The following PPP3CA variants were observed in gnomAD, a reference collection of about 807,000 sequenced individuals.
PPP3CA encodes the protein CAM-PRP catalytic subunit.
A neutral mutation model predicts 66.5 loss-of-function variants in PPP3CA; 14 were observed. The ratio of observed to expected loss-of-function variants is 0.21; its 90% CI spans 0.14 to 0.33. The LOEUF (loss-of-function observed/expected upper bound fraction) is 0.33, where lower values mean the gene tolerates loss of function less well. Among genes scored for constraint, PPP3CA ranks in the 10% least tolerant of loss-of-function variants. The pLI, the probability that PPP3CA is intolerant of heterozygous loss-of-function variation, is 1.00. For missense variants in PPP3CA, 317 were observed against 639.5 expected, an observed-to-expected ratio of 0.50 and a Z score of 5.44; for synonymous variants, 232 against 226.2, an observed-to-expected ratio of 1.03 and a Z score of -0.23.
chr4:101,256,890 TTTTG>T (rs1203873353), intron 1 of PPP3CA, among the ~76,000 whole-genome samples: 2 of 152,032 alleles, frequency 1.3e-5, no homozygotes, highest in African/African-American at 4.8e-5. Context: ...AAGTATATTA[TTTTG>T]TTTAACACTC....
intron 1 of PPP3CA, among the ~76,000 whole-genome samples, chr4:101,267,691 C>G (rs1344889605): frequency 6.6e-6 from 1 of 152,030 alleles, no homozygotes; most frequent in Non-Finnish European, 1.5e-5. Flanking sequence ...CATACGCTAT[C>G]TCTGGAAAAT....
At chr4:101,298,472 C>T (rs979951794) in intron 1 of PPP3CA, among the ~76,000 whole-genome samples, 3 of 151,908 alleles carry the variant, frequency 2.0e-5, no homozygotes, top group African/African-American at 7.3e-5. Context: ...ACCTCCTCTA[C>T]CTACTCCTTC....
intron 2 of PPP3CA, among the ~76,000 whole-genome samples, chr4:101,127,747 A>C (rs1262535596): frequency 2.6e-5 from 4 of 152,246 alleles, no homozygotes; most frequent in Non-Finnish European, 5.9e-5. Context: ...ATACATATGC[A>C]CAACAACAAT....
intron 1 of PPP3CA, among the ~76,000 whole-genome samples, chr4:101,334,724 G>A (rs140730650): frequency 1.0e-3 from 155 of 152,266 alleles, no homozygotes; most frequent in African/African-American, 3.7e-3. Context: ...CACCCCAAAT[G>A]TGCCTACCTA....
intron 2 of PPP3CA, among the ~76,000 whole-genome samples, chr4:101,139,676 C>A (rs180769775): frequency 3.1e-4 from 39 of 126,634 alleles, no homozygotes; most frequent in Non-Finnish European, 5.9e-4. Flanking sequence ...CCCAAAGTGA[C>A]TTTTGAGGGT....
At chr4:101,087,105 G>C (rs955240451) in intron 6 of PPP3CA, among the ~76,000 whole-genome samples, 7 of 152,138 alleles carry the variant, frequency 4.6e-5, no homozygotes, top group Non-Finnish European at 7.3e-5. Context: ...CTGCTTCTTG[G>C]GGCCTGGGAA....
At chr4:101,100,928 A>G (rs777612983) in intron 3 of PPP3CA, among the ~76,000 whole-genome samples, 12 of 152,254 alleles carry the variant, frequency 7.9e-5, no homozygotes, top group Non-Finnish European at 1.8e-4. Flanking sequence ...AGCTTATATG[A>G]TAATTTATGA....
chr4:101,181,879 G>A (rs187834907), intron 2 of PPP3CA, among the ~76,000 whole-genome samples: 159 of 152,118 alleles, frequency 1.0e-3, no homozygotes, highest in Admixed American at 2.3e-3. Flanking sequence ...TGAGCACTAG[G>A]AAGCCTATCG....
At chr4:101,048,045 G>C in intron 10 of PPP3CA, among the ~76,000 whole-genome samples, 1 of 152,050 alleles carries the variant, frequency 6.6e-6, no homozygotes, top group African/African-American at 2.4e-5. Flanking sequence ...AGACTTCCTA[G>C]ACACTAAGTT....
chr4:101,285,599 ATGTGTGTGTGTGTGTGTGTG>A lies in PPP3CA; in HGVS notation c.58+61120_58+61139del, dbSNP rs56681112. ...TTCCCTTTCAAATGCCACTGTGTGT[ATGTGTGTGTGTGTGTGTGTG>A]TGTGTGTGTGTGTGTGTGTGTGTGT... is the stretch of plus-strand genomic sequence containing the variant. On this transcript the variant is annotated intron_variant, in intron 1 of 13. Coordinates refer to ENST00000394854, the MANE Select transcript of PPP3CA (RefSeq NM_000944.5). Among the ~76,000 whole-genome samples the A allele has an allele frequency of 7.2e-3, 891 of 124,590 alleles. 4 individuals are homozygous for A. Among genetic ancestry groups the A allele is most frequent in the Admixed American group, 0.017 (209 of 12,282 alleles). The allele number at this position is 124,590 out of a possible 152,430, so 81.7% of individuals were successfully genotyped here. A position where few individuals can be genotyped will look rare whatever the true frequency, so the allele number is the denominator to read the frequency against.
chr4:101,029,933 G>A (rs549955310), intron 12 of PPP3CA, among the ~76,000 whole-genome samples: 2 of 151,906 alleles, frequency 1.3e-5, no homozygotes, highest in Non-Finnish European at 2.9e-5. Context: ...TATCCTTTTT[G>A]GAAGTAAAAT....
chr4:101,094,891 A>G (rs994337991), intron 5 of PPP3CA, among the ~76,000 whole-genome samples: 1 of 152,154 alleles, frequency 6.6e-6, no homozygotes, highest in African/African-American at 2.4e-5. Context: ...TTGAAAATCT[A>G]TTAAGAATTG....
chr4:101,190,162 G>A (rs1335138579), intron 2 of PPP3CA, among the ~76,000 whole-genome samples: 2 of 152,048 alleles, frequency 1.3e-5, no homozygotes, highest in Non-Finnish European at 2.9e-5. Context: ...AGGCATTTCA[G>A]TATTACCTGA....
At chr4:101,219,317 T>C (rs1725552477) in intron 1 of PPP3CA, among the ~76,000 whole-genome samples, 1 of 152,126 alleles carries the variant, frequency 6.6e-6, no homozygotes, top group South Asian at 2.1e-4. Context: ...TTCTAGAGTA[T>C]AATGAACATT....
intron 1 of PPP3CA, among the ~76,000 whole-genome samples, chr4:101,291,118 G>A (rs1728009515): frequency 6.9e-6 from 1 of 144,202 alleles, no homozygotes; most frequent in Admixed American, 6.9e-5. Context: ...TGTACCTGAT[G>A]TTTTGCCCCT....
chr4:101,191,521 C>G (rs1252549258), intron 2 of PPP3CA, among the ~76,000 whole-genome samples: 2 of 152,184 alleles, frequency 1.3e-5, no homozygotes, highest in Non-Finnish European at 2.9e-5. Context: ...AGGTCTCTGG[C>G]TGCAGGACAG....
At chr4:101,113,878 C>A (rs1721756780) in intron 2 of PPP3CA, among the ~76,000 whole-genome samples, 1 of 152,128 alleles carries the variant, frequency 6.6e-6, no homozygotes, top group Admixed American at 6.6e-5. Context: ...TACAAGCTGT[C>A]TGCTTGGTTG....
intron 1 of PPP3CA, among the ~76,000 whole-genome samples, chr4:101,247,953 T>C (rs959259731): frequency 2.6e-5 from 4 of 151,968 alleles, no homozygotes; most frequent in Non-Finnish European, 5.9e-5. Flanking sequence ...CACACACACA[T>C]ATATGAGAAA....
At chr4:101,302,146 T>C (rs1471457268) in intron 1 of PPP3CA, among the ~76,000 whole-genome samples, 1 of 152,212 alleles carries the variant, frequency 6.6e-6, no homozygotes, top group Non-Finnish European at 1.5e-5. Context: ...GATAGAGCAC[T>C]AGATTTAGAG....
Sources: allele counts gnomAD v4.1 joint callset (sites outside exome capture counted in the v4.1 genomes callset), GRCh38; gene constraint gnomAD v4.1.1; transcripts MANE v1.5; gene names NCBI Gene and HGNC (gene_info 2026-07-23, HGNC 2026-07-21).